The following TRIM16 variants were observed in gnomAD, a reference collection of about 807,000 sequenced individuals.
TRIM16 encodes the protein tripartite motif-containing protein 16.
In TRIM16, 33 loss-of-function variants were observed where a neutral mutation model predicts 50.4. The ratio of observed to expected loss-of-function variants is 0.65; its 90% CI spans 0.50 to 0.88. The LOEUF (loss-of-function observed/expected upper bound fraction) is 0.88, where lower values mean the gene tolerates loss of function less well. Among genes scored for constraint, TRIM16 ranks in the 40% least tolerant of loss-of-function variants. The pLI is 0.00. For synonymous variants in TRIM16, 229 were observed against 270.7 expected (o/e 0.85, Z 1.51); for missense variants, 581 against 686.8 (o/e 0.85, Z 1.72).
chr17:15,651,782 T>C lies in TRIM16; in HGVS notation c.-173A>G, dbSNP rs1987722927. On this transcript the variant is annotated 5_prime_UTR_variant, in exon 7 of 12. Transcript: ENST00000649191. ...CTCATTACTGTGTGCTGGCGCTGGA[T>C]GGCAGCCAGATGCGATGACGACAAG... 1.4e-6 allele frequency: 2 copies of C among 1,473,186 alleles called. No individual in the cohort carries two copies. The highest frequency in any genetic ancestry group is 9.0e-7 in the Non-Finnish European group (1 of 1,117,052). 91.3% of individuals were successfully genotyped at this position (1,473,186 alleles called of 1,614,324 possible).
At chr17:15,661,463 A>C (rs1988235338) in intron 6 of TRIM16, among the ~76,000 whole-genome samples, 1 of 152,140 alleles carries the variant, frequency 6.6e-6, no homozygotes, top group Non-Finnish European at 1.5e-5. Flanking sequence ...CATATTTCGC[A>C]GCTCCTTTCC....
chr17:15,664,806 G>A (rs1437886904), intron 6 of TRIM16, among the ~76,000 whole-genome samples: 1 of 152,106 alleles, frequency 6.6e-6, no homozygotes, highest in Non-Finnish European at 1.5e-5. Flanking sequence ...AGGCCAAGGT[G>A]GGTGGATCAC....
intron 7 of TRIM16, among the ~76,000 whole-genome samples, chr17:15,646,088 G>A (rs142865992): frequency 3.3e-5 from 5 of 152,152 alleles, no homozygotes; most frequent in African/African-American, 4.8e-5. Context: ...CGGCAGCAGC[G>A]GGGCCATAGG....
At chr17:15,668,353 G>A (rs1988587877) in intron 6 of TRIM16, among the ~76,000 whole-genome samples, 1 of 152,180 alleles carries the variant, frequency 6.6e-6, no homozygotes, top group Admixed American at 6.5e-5. Context: ...GTTTATGGTG[G>A]GAGGGCTAGC....
chr17:15,648,783 T>C (rs893544530), intron 7 of TRIM16, among the ~76,000 whole-genome samples: 2 of 152,214 alleles, frequency 1.3e-5, no homozygotes, highest in African/African-American at 4.8e-5. Context: ...TTCTAAGATT[T>C]GGACAAGCCA....
At position 15,651,426 on chromosome 17, in the gene TRIM16, A is replaced by G. The variant is rs1213556393; in HGVS notation, c.184T>C (p.Ser62Pro). 6.2e-7 allele frequency: 1 copy of G among 1,613,838 alleles called. No homozygotes were observed. The highest frequency in any genetic ancestry group is 1.7e-5 in the Admixed American group (1 of 60,006). The change falls in exon 7 of 12, where the codon TCT becomes CCT. Residue 62 changes from serine to proline, a missense_variant. This residue lies in a region of TRIM16 where 450 missense variants were observed against 544.3 expected (regional missense o/e 0.83). Transcript: ENST00000649191. ...GRETEEQDSDSAEQGDPAGEG... is the reference protein window; with the variant it reads ...GRETEEQDSDPAEQGDPAGEG... ...CCAGCAGGATCCCCCTGCTCTGCAG[A>G]GTCGCTGTCCTGTTCCTCCGTCTCC...
chr17:15,645,236 A>G (rs918704095), intron 7 of TRIM16, among the ~76,000 whole-genome samples: 2 of 152,234 alleles, frequency 1.3e-5, no homozygotes, highest in African/African-American at 4.8e-5. Context: ...ACGTATGTCA[A>G]TAAGAACTTT....
chr17:15,668,651 T>C (rs371241895), intron 6 of TRIM16, among the ~76,000 whole-genome samples: 1 of 149,566 alleles, frequency 6.7e-6, no homozygotes, highest in South Asian at 2.1e-4. Context: ...AAACACACTT[T>C]TGCACATGAA....
chr17:15,649,351 A>G (rs1987570280), intron 7 of TRIM16, among the ~76,000 whole-genome samples: 1 of 152,084 alleles, frequency 6.6e-6, no homozygotes, highest in Non-Finnish European at 1.5e-5. Flanking sequence ...AAGTGGCACG[A>G]TCTCGGCTCA....
chr17:15,665,389 G>C (rs1394438861), intron 6 of TRIM16, among the ~76,000 whole-genome samples: 1 of 152,046 alleles, frequency 6.6e-6, no homozygotes, highest in Admixed American at 6.5e-5. Context: ...GGTGCCTGTA[G>C]TCCCAGCTAC....
At position 15,631,854 on chromosome 17, in the gene TRIM16, G is replaced by A. The variant is rs554455990; in HGVS notation, c.1016-140C>T. On this transcript the variant is annotated intron_variant, in intron 10 of 11. Coordinates refer to ENST00000649191, the MANE Select transcript of TRIM16 (RefSeq NM_001348119.1). ...GCCTGGTAATGTTTCACAGAAATACGCTCAATAGACTACATTTCTTTCATA... is the reference window on the plus strand; with the variant it reads ...GCCTGGTAATGTTTCACAGAAATACACTCAATAGACTACATTTCTTTCATA... 1.0e-4 allele frequency: 74 copies of A among 714,214 alleles called. 2 individuals are homozygous for A. Among genetic ancestry groups the A allele is most frequent in the South Asian group, 5.7e-4 (33 of 57,976 alleles). 44.2% of individuals were successfully genotyped at this position (714,214 alleles called of 1,614,324 possible).
chr17:15,672,710 G>A (rs529804520), intron 6 of TRIM16, among the ~76,000 whole-genome samples: 1 of 152,178 alleles, frequency 6.6e-6, no homozygotes, highest in South Asian at 2.1e-4. Context: ...TCCAGCCCAG[G>A]CAATAGAGCA....
At chr17:15,668,671 C>T (rs1597662826) in intron 6 of TRIM16, among the ~76,000 whole-genome samples, 1 of 152,238 alleles carries the variant, frequency 6.6e-6, no homozygotes, top group East Asian at 1.9e-4. Context: ...AAACACACCA[C>T]CAAACATTCT....
At chr17:15,648,075 A>C (rs1030817833) in intron 7 of TRIM16, among the ~76,000 whole-genome samples, 13 of 151,934 alleles carry the variant, frequency 8.6e-5, no homozygotes, top group Non-Finnish European at 1.6e-4. Flanking sequence ...TATACAAAAA[A>C]ATTAGCCGGG....
rs1489879427 is a variant in TRIM16, at chr17:15,645,851, C to T, written c.520-3035G>A. Among the ~76,000 whole-genome samples, 10 of 152,274 alleles carry T rather than the reference C, an allele frequency of 6.6e-5. No individual in the cohort carries two copies. In the East Asian group the frequency reaches 7.7e-4, roughly 12 times the overall value. ...GACCTCTCACCCTTGATACCTGAGA[C>T]GTGATGCCTGGGAGTGGGGAGTGGG... is the stretch of plus-strand genomic sequence containing the variant. On this transcript the variant is annotated intron_variant, in intron 7 of 11. Transcript: ENST00000649191.
chr17:15,678,488 C>T (rs1421290945), intron 4 of TRIM16, among the ~76,000 whole-genome samples: 2 of 152,168 alleles, frequency 1.3e-5, no homozygotes, highest in East Asian at 1.9e-4. Context: ...CCTTTCCAGG[C>T]CTGACTCACG....
chr17:15,655,674 A>G (rs1987942876), intron 6 of TRIM16, among the ~76,000 whole-genome samples: 1 of 151,680 alleles, frequency 6.6e-6, no homozygotes, highest in African/African-American at 2.4e-5. Context: ...TCCCGGGTTC[A>G]TGCCATTCTC....
intron 6 of TRIM16, among the ~76,000 whole-genome samples, chr17:15,656,398 T>C (rs1044021769): frequency 6.6e-6 from 1 of 152,196 alleles, no homozygotes; most frequent in African/African-American, 2.4e-5. Context: ...GCTTTGCTCC[T>C]TGTCTTAACC....
intron 9 of TRIM16, 138 bp from the exon 10 acceptor site, chr17:15,632,812 G>T: frequency 8.3e-7 from 1 of 1,209,322 alleles, no homozygotes; most frequent in Non-Finnish European, 1.1e-6. Flanking sequence ...TACATGTGAA[G>T]TGTCAAGCTC....
Sources: gnomAD v4.1 joint callset for allele counts (sites outside exome capture counted in the v4.1 genomes callset) on GRCh38, gnomAD v4.1.1 for gene constraint, gnomAD v4.1.1 regional missense constraint, MANE v1.5 for transcripts, NCBI Gene and HGNC (gene_info 2026-07-23, HGNC 2026-07-21) for gene names.